FASTKD5: variants seen among roughly 807,000 people sequenced by gnomAD.
The protein encoded by FASTKD5 is non-canonical pre-mRNAs endonuclease FASTKD5, mitochondrial.
Under a neutral mutation model 44.0 loss-of-function variants are expected in FASTKD5, and 30 were observed. That is an observed-to-expected ratio of 0.68 (90% CI 0.51 to 0.93). The LOEUF (loss-of-function observed/expected upper bound fraction) is 0.93. Ranked by LOEUF, FASTKD5 falls within the 40% of genes least tolerant of loss-of-function variation. The pLI is 0.00. For synonymous variants in FASTKD5, 335 were observed against 342.2 expected, an observed-to-expected ratio of 0.98 and a Z score of 0.23; for missense variants, 868 against 908.2, an observed-to-expected ratio of 0.96 and a Z score of 0.57.
chr20:3,154,506 A>AC (rs990569064), intron 1 of FASTKD5, among the ~76,000 whole-genome samples: 3 of 151,906 alleles, frequency 2.0e-5, no homozygotes, highest in African/African-American at 7.3e-5. Flanking sequence ...ATGTAGTGAG[A>AC]CCCCCACCTC....
Position 3,147,311 on chromosome 20 carries a change from GA to G in FASTKD5, c.1759del (p.Ser587LeufsTer4). On this transcript the variant is annotated frameshift_variant, in exon 2 of 2. Transcript: ENST00000380266. LOFTEE classifies it low-confidence loss of function (END_TRUNC). ...KHHMILPHTR[S>X]SDLEVQLDVN... Reference sequence around the variant, plus strand: ...ATCAAGCTGGACCTCTAAGTCAGAAGATCGGGTATGAGGCAAAATCATATGG... The same window carrying G: ...ATCAAGCTGGACCTCTAAGTCAGAAGTCGGGTATGAGGCAAAATCATATGG... 2 of 1,614,236 alleles carry G rather than the reference GA, an allele frequency of 1.2e-6. No individual in the cohort carries two copies. The highest frequency in any genetic ancestry group is 1.7e-6 in the Non-Finnish European group (2 of 1,180,044).
chr20:3,159,306 G>A (rs1466210108), intron 1 of FASTKD5, among the ~76,000 whole-genome samples: 1 of 152,208 alleles, frequency 6.6e-6, no homozygotes, highest in Non-Finnish European at 1.5e-5. Context: ...GCTACTCAGT[G>A]TGTGGTCTGC....
intron 1 of FASTKD5, among the ~76,000 whole-genome samples, chr20:3,152,100 CAAAAAAAAAAAAAA>C (rs60655157): frequency 1.6e-5 from 1 of 62,884 alleles, no homozygotes; most frequent in Admixed American, 1.9e-4. Flanking sequence ...GACTCTGTCT[CAAAAAAAAAAAAAA>C]AAAAAAAAGA....
intron 1 of FASTKD5, chr20:3,151,862 T>C (rs1044723980): frequency 6.6e-6 from 1 of 151,338 alleles, no homozygotes; most frequent in African/African-American, 2.4e-5. Context: ...TCCAGCACTT[T>C]GAGAGGCCAA....
chr20:3,148,864 C>A lies in FASTKD5; in HGVS notation c.207G>T (p.Leu69=). 1 of 1,614,174 alleles carries A rather than the reference C, an allele frequency of 6.2e-7. No homozygotes were observed. Among genetic ancestry groups the A allele is most frequent in the Non-Finnish European group, 8.5e-7 (1 of 1,180,042 alleles). The part of the protein sequence containing the change: ...ICSTFSSRRI[L]TTSSAHPGLE... ...AACCTGGGTGGGCACTGCTGGTTGT[C>A]AGGATTCTCCGAGAAGAGAAGGTGC... The change falls in exon 2 of 2, where the codon CTG becomes CTT. Residue 69 remains leucine (L), a synonymous_variant. Transcript: ENST00000380266.
At chr20:3,157,924 C>T (rs951109509) in intron 1 of FASTKD5, among the ~76,000 whole-genome samples, 6 of 151,560 alleles carry the variant, frequency 4.0e-5, no homozygotes, top group Non-Finnish European at 8.8e-5. Context: ...CAGACAGGGT[C>T]TCGCTCTGTT....
At position 3,148,351 on chromosome 20, in the gene FASTKD5, A is replaced by G. The variant is rs75604939; in HGVS notation, c.720T>C (p.Asn240=). The G allele has an allele frequency of 3.6e-3, 5,770 of 1,614,142 alleles. 201 individuals are homozygous for G. The African/African-American group carries it at 0.068, about 19-fold the overall frequency. ...CAGCCACCAAAAGGAGCTGATCCAT[A>G]TTCATCTCCCATACCTGATGGCAAC... ...TKCCHQVWEM[N]MDQLLLVADL... is the part of the protein sequence containing the mutation. Residue 240 remains asparagine (N), a synonymous_variant, in exon 2 of 2, where the codon AAT becomes AAC. Transcript: ENST00000380266.
intron 1 of FASTKD5, chr20:3,156,870 CCTTT>C (rs975306162): frequency 1.3e-5 from 2 of 152,220 alleles, no homozygotes; most frequent in African/African-American, 4.8e-5. Context: ...TAACACTTTT[CCTTT>C]CTATGTCCCA....
Position 3,149,248 on chromosome 20 carries a change from T to G in FASTKD5, c.-178A>C. The G allele has an allele frequency of 1.6e-6, 1 of 629,062 alleles. No individual in the cohort carries two copies. The highest frequency in any genetic ancestry group is 2.5e-5 in the South Asian group (1 of 40,060). The allele number at this position is 629,062 out of a possible 1,614,324, so 39.0% of individuals were successfully genotyped here. The stretch of plus-strand genomic sequence containing the variant: ...GGGATCACAAATGACTGGGTCAGAA[T>G]TGGTGCCAGATACTGAAAAAAGGGT... On this transcript the variant is annotated 5_prime_UTR_variant, in exon 2 of 2. Coordinates refer to ENST00000380266, the MANE Select transcript of FASTKD5 (RefSeq NM_021826.5). This position sits in a 1 kb window ranked among gnomAD's most constrained non-coding sequence, Gnocchi z 4.1.
rs1290654511 is a variant in FASTKD5, at chr20:3,146,533, G to C, written c.*243C>G. ...CCAACAAGGACTTACTTGACCGTAG[G>C]ACATATTAAGATGTTTATTATTTAC... On this transcript the variant is annotated 3_prime_UTR_variant, in exon 2 of 2. Transcript: ENST00000380266. 6.6e-6 allele frequency: 3 copies of C among 457,274 alleles called. No homozygotes were observed. Among genetic ancestry groups the C allele is most frequent in the South Asian group, 4.1e-5 (1 of 24,532 alleles). 28.3% of individuals were successfully genotyped at this position (457,274 alleles called of 1,614,324 possible).
At position 3,147,655 on chromosome 20, in the gene FASTKD5, C is replaced by A. The variant is rs1228524723; in HGVS notation, c.1416G>T (p.Leu472=). Residue 472 remains leucine (L), a synonymous_variant, in exon 2 of 2, where the codon CTG becomes CTT. Coordinates refer to ENST00000380266, the MANE Select transcript of FASTKD5 (RefSeq NM_021826.5). The part of the protein sequence containing the change: ...MPEFNQYPEH[L]PTCLLGLAFL... The stretch of plus-strand genomic sequence containing the variant: ...ATGCCAGGCCCAGCAGGCAGGTGGG[C>A]AGGTGTTCTGGGTACTGGTTGAATT... 1 of 1,614,128 alleles carries A rather than the reference C, an allele frequency of 6.2e-7. No homozygotes were observed. Among genetic ancestry groups the A allele is most frequent in the Non-Finnish European group, 8.5e-7 (1 of 1,180,054 alleles).
intron 1 of FASTKD5, among the ~76,000 whole-genome samples, chr20:3,158,144 T>C (rs1363185425): frequency 6.6e-6 from 1 of 152,028 alleles, no homozygotes; most frequent in Non-Finnish European, 1.5e-5. Flanking sequence ...GTTTTTTGTT[T>C]TTTTCGTAGA....
rs1041370162 is a variant in FASTKD5 at position 3,148,790 on chromosome 20, C to A, written c.281G>T (p.Gly94Val). Residue 94 changes from glycine to valine, a missense_variant, in exon 2 of 2, where the codon GGC becomes GTC. Transcript: ENST00000380266. ...SSSKASTLQLGSPRATGVDEE... is the reference protein window; with the variant it reads ...SSSKASTLQLVSPRATGVDEE... ...ATCAACTCCTGTGGCCCTGGGTGAG[C>A]CCAGCTGCAATGTACTGGCCTTAGA... 19 of 1,614,078 alleles carry A rather than the reference C, an allele frequency of 1.2e-5. No homozygotes were observed. The highest frequency in any genetic ancestry group is 1.6e-5 in the Non-Finnish European group (19 of 1,180,034).
At chr20:3,157,902 TG>T (rs1407553809) in intron 1 of FASTKD5, among the ~76,000 whole-genome samples, 8 of 152,204 alleles carry the variant, frequency 5.3e-5, no homozygotes, top group East Asian at 3.9e-4. Context: ...AGAATTCTTT[TG>T]TTTTTTTTTT....
At chr20:3,159,343 A>T (rs938933453) in intron 1 of FASTKD5, among the ~76,000 whole-genome samples, 5 of 152,134 alleles carry the variant, frequency 3.3e-5, no homozygotes, top group Non-Finnish European at 7.4e-5. Flanking sequence ...CCTCGTCTGG[A>T]ATCTAGTTAG....
In FASTKD5 at chr20:3,149,204, C is replaced by T. The variant is rs2066600375; in HGVS notation, c.-134G>A. 2.3e-6 allele frequency: 2 copies of T among 885,816 alleles called. No homozygotes were observed. The highest frequency in any genetic ancestry group is 1.7e-5 in the African/African-American group (1 of 59,262). The allele number at this position is 885,816 out of a possible 1,614,324, so 54.9% of individuals were successfully genotyped here. On this transcript the variant is annotated 5_prime_UTR_variant, in exon 2 of 2. Transcript: ENST00000380266. The surrounding 1 kb of genome is among the most constrained non-coding windows in gnomAD (Gnocchi z 4.1). ...TCCACAAAAACTGCCTGGAAATCTT[C>T]AGCATATCACAAGAGCCAGGGATCA...
rs2066599368 is a variant in FASTKD5 at position 3,149,119 on chromosome 20, G to A, written c.-49C>T. ...TGGCAGTCAGAATACAGTCCTCACA[G>A]ATTTGACCAGGCAATTTCTTGTTTA... On this transcript the variant is annotated 5_prime_UTR_variant, in exon 2 of 2. Coordinates refer to ENST00000380266, the MANE Select transcript of FASTKD5 (RefSeq NM_021826.5). This position sits in a 1 kb window ranked among gnomAD's most constrained non-coding sequence, Gnocchi z 4.1. 6.5e-7 allele frequency: 1 copy of A among 1,542,274 alleles called. No homozygotes were observed. Among genetic ancestry groups the A allele is most frequent in the Admixed American group, 2.0e-5 (1 of 48,930 alleles).
At chr20:3,155,660 G>A (rs1227186019) in intron 1 of FASTKD5, among the ~76,000 whole-genome samples, 1 of 152,188 alleles carries the variant, frequency 6.6e-6, no homozygotes, top group African/African-American at 2.4e-5. Flanking sequence ...CATGTATTAT[G>A]AAGATATTAT....
At position 3,152,558 on chromosome 20, in the gene FASTKD5, C is replaced by T. The variant is rs140908214; in HGVS notation, c.-190-3298G>A. On this transcript the variant is annotated intron_variant, in intron 1 of 1. Coordinates refer to ENST00000380266, the MANE Select transcript of FASTKD5 (RefSeq NM_021826.5). ...ATTTGGAATTTAATTTAATCCACCA[C>T]AATGTGCAACTAAAGCCATATACTG... Among the ~76,000 whole-genome samples, 233 of 152,136 alleles carry T rather than the reference C, an allele frequency of 1.5e-3. 1 individual carries two copies. The highest frequency in any genetic ancestry group is 5.3e-3 in the African/African-American group (222 of 41,516).
Sources: gnomAD v4.1 joint callset for allele counts (sites outside exome capture counted in the v4.1 genomes callset) on GRCh38, gnomAD v4.1.1 for gene constraint, Gnocchi (gnomAD v3.1) non-coding constraint, MANE v1.5 for transcripts, NCBI Gene and HGNC (gene_info 2026-07-23, HGNC 2026-07-21) for gene names.